The following GLCCI1 variants were observed in gnomAD, a reference collection of about 807,000 sequenced individuals.
GLCCI1 encodes the protein glucocorticoid-induced transcript 1 protein.
A neutral mutation model predicts 52.2 loss-of-function variants in GLCCI1; 24 were observed. The observed-to-expected ratio is 0.46, with a 90% CI of 0.33 to 0.65. The LOEUF (loss-of-function observed/expected upper bound fraction) is 0.65, where lower values mean the gene tolerates loss of function less well. GLCCI1 is among the 30% of genes least tolerant of loss of function. GLCCI1 has a pLI of 0.02. For missense variants in GLCCI1, 704 were observed against 701.5 expected (o/e 1.00, Z -0.04); for synonymous variants, 310 against 276.5 (o/e 1.12, Z -1.20).
chr7:8,042,190 A>G (rs1483195871), intron 3 of GLCCI1, among the ~76,000 whole-genome samples: 1 of 152,232 alleles, frequency 6.6e-6, no homozygotes, highest in South Asian at 2.1e-4. Context: ...TGCTAACACA[A>G]CATCCATTCT....
Position 8,086,505 on chromosome 7 carries a change from C to T in GLCCI1, c.1611C>T (p.Asp537=). ...QQLLQELQGE[D]HISAQNYVII ...TCCTGCAGGAACTGCAGGGTGAGGA[C>T]CACATCTCTGCTCAGAACTATGTGA... The change falls in exon 8 of 8, where the codon GAC becomes GAT. Residue 537 remains aspartate (D), a synonymous_variant. Transcript: ENST00000223145. This position sits in a 1 kb window ranked among gnomAD's most constrained non-coding sequence, Gnocchi z 4.4. 4 of 1,613,046 alleles carry T rather than the reference C, an allele frequency of 2.5e-6. No homozygotes were observed. The highest frequency in any genetic ancestry group is 3.4e-6 in the Non-Finnish European group (4 of 1,179,576).
At chr7:8,029,040 C>A (rs7785493) in intron 3 of GLCCI1, among the ~76,000 whole-genome samples, 1 of 151,926 alleles carries the variant, frequency 6.6e-6, no homozygotes, top group Non-Finnish European at 1.5e-5. Context: ...CACCTAGTAC[C>A]AATCCTACTA....
intron 1 of GLCCI1, among the ~76,000 whole-genome samples, chr7:7,978,399 A>G (rs1780539834): frequency 6.6e-6 from 1 of 152,200 alleles, no homozygotes; most frequent in African/African-American, 2.4e-5. Context: ...CTGTCATGGC[A>G]AAGCAATGCA....
chr7:8,079,689 T>C (rs1262111128), intron 6 of GLCCI1, among the ~76,000 whole-genome samples: 1 of 151,476 alleles, frequency 6.6e-6, no homozygotes, highest in East Asian at 1.9e-4. Context: ...TTGGCTTAAT[T>C]TGTAAGTTGG....
chr7:7,994,927 C>T (rs1407384955), intron 1 of GLCCI1, among the ~76,000 whole-genome samples: 1 of 152,164 alleles, frequency 6.6e-6, no homozygotes. Flanking sequence ...AATGGTTTCA[C>T]TTAATACACT....
intron 1 of GLCCI1, among the ~76,000 whole-genome samples, chr7:7,987,061 T>TA (rs1352584452): frequency 3.3e-5 from 5 of 152,180 alleles, no homozygotes; most frequent in Non-Finnish European, 7.4e-5. Flanking sequence ...CTGCTATAAG[T>TA]ACAGTCTTTC....
chr7:8,067,119 C>T (rs534890227), intron 5 of GLCCI1, among the ~76,000 whole-genome samples: 2 of 152,284 alleles, frequency 1.3e-5, no homozygotes, highest in East Asian at 3.9e-4. Context: ...TGCATTGAAT[C>T]CTTTACCATT....
At chr7:8,047,265 A>G (rs1462502956) in intron 3 of GLCCI1, among the ~76,000 whole-genome samples, 1 of 152,224 alleles carries the variant, frequency 6.6e-6, no homozygotes, top group Non-Finnish European at 1.5e-5. Flanking sequence ...TGTATTTACT[A>G]GAGATTTGCT....
chr7:8,053,162 GTT>G (rs1433841189), intron 3 of GLCCI1, among the ~76,000 whole-genome samples: 1 of 151,550 alleles, frequency 6.6e-6, no homozygotes, highest in Non-Finnish European at 1.5e-5. Flanking sequence ...GCCAGTTTCT[GTT>G]TTTTCTTCAT....
intron 3 of GLCCI1, among the ~76,000 whole-genome samples, chr7:8,052,074 C>T (rs1782270343): frequency 6.6e-6 from 1 of 152,044 alleles, no homozygotes; most frequent in Non-Finnish European, 1.5e-5. Flanking sequence ...ATAAAAGCAC[C>T]CCCTCTTAAG....
chr7:8,030,778 G>A (rs774696579), intron 3 of GLCCI1, among the ~76,000 whole-genome samples: 25 of 152,064 alleles, frequency 1.6e-4, no homozygotes, highest in Middle Eastern at 3.2e-3. Flanking sequence ...ACAGGCATAC[G>A]AAAAGGTGCT....
intron 3 of GLCCI1, among the ~76,000 whole-genome samples, chr7:8,045,508 A>G (rs181887525): frequency 1.4e-3 from 211 of 152,308 alleles, no homozygotes; most frequent in Non-Finnish European, 2.6e-3. Context: ...AACCAAAAGT[A>G]TTCTGCAAAT....
intron 1 of GLCCI1, among the ~76,000 whole-genome samples, chr7:8,003,623 T>C (rs1278733271): frequency 6.6e-6 from 1 of 151,930 alleles, no homozygotes; most frequent in Non-Finnish European, 1.5e-5. Flanking sequence ...TGAATGGGAG[T>C]CTTAATTAAA....
At position 7,969,406 on chromosome 7, in the gene GLCCI1, C is replaced by A. The variant is rs1175016088; in HGVS notation, c.56C>A (p.Pro19Gln). The change falls in exon 1 of 8, where the codon CCG becomes CAG. Residue 19 changes from proline to glutamine, a missense_variant. Coordinates refer to ENST00000223145, the MANE Select transcript of GLCCI1 (RefSeq NM_138426.4). This position sits in a 1 kb window ranked among gnomAD's most constrained non-coding sequence, Gnocchi z 4.9. ...SSSSSQTPHPPSQRMRRSAAG... is the reference protein window; with the variant it reads ...SSSSSQTPHPQSQRMRRSAAG... ...AGTTCCTCTCAGACCCCTCATCCCC[C>A]GTCGCAGAGGATGAGGCGCAGCGCC... 3.5e-6 allele frequency: 5 copies of A among 1,411,554 alleles called. No individual in the cohort carries two copies. The highest frequency in any genetic ancestry group is 3.1e-5 in the East Asian group (1 of 32,316). 87.4% of individuals were successfully genotyped at this position (1,411,554 alleles called of 1,614,324 possible).
chr7:7,983,958 A>G (rs983811480), intron 1 of GLCCI1, among the ~76,000 whole-genome samples: 14 of 152,228 alleles, frequency 9.2e-5, no homozygotes, highest in Non-Finnish European at 1.5e-4. Context: ...TCCACATATT[A>G]AAAGATGGAA....
At chr7:7,972,340 TGTGC>T (rs1278373689) in intron 1 of GLCCI1, among the ~76,000 whole-genome samples, 1 of 152,134 alleles carries the variant, frequency 6.6e-6, no homozygotes, top group African/African-American at 2.4e-5. Context: ...TGTGTGTGTG[TGTGC>T]GCGCAAGAGG....
chr7:8,026,410 A>C (rs571944634), intron 3 of GLCCI1, among the ~76,000 whole-genome samples: 2 of 152,346 alleles, frequency 1.3e-5, no homozygotes, highest in East Asian at 3.9e-4. Flanking sequence ...CCCCCAATGG[A>C]GTACTAAATT....
At chr7:8,026,491 G>C (rs1011143233) in intron 3 of GLCCI1, among the ~76,000 whole-genome samples, 11 of 152,216 alleles carry the variant, frequency 7.2e-5, no homozygotes, top group African/African-American at 2.4e-4. Flanking sequence ...CCACAGTACC[G>C]AGTTTTAAGT....
At chr7:8,036,544 A>G (rs552930367) in intron 3 of GLCCI1, among the ~76,000 whole-genome samples, 3 of 152,348 alleles carry the variant, frequency 2.0e-5, no homozygotes, top group South Asian at 2.1e-4. Flanking sequence ...CTCTCCAGCA[A>G]TAGATCCTAA....
Sources: gnomAD v4.1 joint callset for allele counts (sites outside exome capture counted in the v4.1 genomes callset) on GRCh38, gnomAD v4.1.1 for gene constraint, Gnocchi (gnomAD v3.1) non-coding constraint, MANE v1.5 for transcripts, NCBI Gene and HGNC (gene_info 2026-07-23, HGNC 2026-07-21) for gene names.